Variants in TRPV5 observed in about 807,000 individuals in gnomAD.
TRPV5 encodes calcium transport protein 2.
A neutral mutation model predicts 74.1 loss-of-function variants in TRPV5; 66 were observed. That is an observed-to-expected ratio of 0.89 (90% confidence interval 0.73 to 1.09). The LOEUF (loss-of-function observed/expected upper bound fraction) is 1.09. Ranked by LOEUF, TRPV5 falls within the 50% of genes least tolerant of loss-of-function variation. TRPV5 has a pLI of 0.00. For missense variants in TRPV5, 936 were observed against 930.4 expected (o/e 1.01, Z -0.08); for synonymous variants, 399 against 360.7 (o/e 1.11, Z -1.20).
In TRPV5 at chr7:142,929,064, G is replaced by A. The variant is rs779412908; in HGVS notation, c.544C>T (p.Leu182Phe). 3 of 1,613,958 alleles carry A rather than the reference G, an allele frequency of 1.9e-6. No homozygotes were observed. Among genetic ancestry groups the A allele is most frequent in the Non-Finnish European group, 2.5e-6 (3 of 1,180,006 alleles). Residue 182 changes from leucine (L) to phenylalanine (F), a missense_variant, in exon 5 of 15, where the codon CTC (leucine) becomes TTC (phenylalanine). Leu to Phe is a conservative substitution (Grantham distance 22, BLOSUM62 0). Coordinates refer to ENST00000265310, the MANE Select transcript of TRPV5 (RefSeq NM_019841.7). ...CTGATGTCAGCTCCATGCTCAATGA[G>A]CAGCCGCACGATCTCCTCGCTGTTC... ...CVNSEEIVRL[L>F]IEHGADIRAQ...
At position 142,921,312 on chromosome 7, in the gene TRPV5, C is replaced by T. The variant is rs1033520304; in HGVS notation, c.1122+4217G>A. On this transcript the variant is annotated intron_variant, in intron 8 of 14. Transcript: ENST00000265310. ...ATTTATTTATTTTGAGACGGAGTCT[C>T]ATACTGTCGCCTGGCCTGGAGTGCA... 2.6e-5 allele frequency among the ~76,000 whole-genome samples: 4 copies of T among 152,186 alleles called. No homozygotes were observed. The South Asian group carries it at 8.3e-4, about 31-fold the overall frequency.
Position 142,928,749 on chromosome 7 carries a change from A to G in TRPV5, c.704T>C (p.Val235Ala). ...GGGGGTGAGACCCTGGTGATTGGGCACAAGGTCCAGGGGCTGCAGGTGGTC... is the reference window on the plus strand; with the variant it reads ...GGGGGTGAGACCCTGGTGATTGGGCGCAAGGTCCAGGGGCTGCAGGTGGTC... ...HGDHLQPLDL[V>A]PNHQGLTPFK... Residue 235 changes from valine (V) to alanine (A), a missense_variant, in exon 6 of 15, where the codon GTG (valine) becomes GCG (alanine). Val to Ala is a moderately conservative substitution (Grantham distance 64, BLOSUM62 0). Coordinates refer to ENST00000265310, the MANE Select transcript of TRPV5 (RefSeq NM_019841.7). 3 of 1,614,174 alleles carry G rather than the reference A, an allele frequency of 1.9e-6. No individual in the cohort carries two copies. Among genetic ancestry groups the G allele is most frequent in the Non-Finnish European group, 2.5e-6 (3 of 1,180,020 alleles).
intron 7 of TRPV5, among the ~76,000 whole-genome samples, chr7:142,926,520 T>G (rs2116601528): frequency 6.6e-6 from 1 of 152,288 alleles, no homozygotes; most frequent in Non-Finnish European, 1.5e-5. Flanking sequence ...AGTGGGCAGT[T>G]TCCAGACATG....
chr7:142,909,470 A>T lies in TRPV5; in HGVS notation c.1895+20T>A. The T allele has an allele frequency of 6.2e-7, 1 of 1,612,984 alleles. No individual in the cohort carries two copies. Among genetic ancestry groups the T allele is most frequent in the Non-Finnish European group, 8.5e-7 (1 of 1,179,548 alleles). ...GCCTTATACACATCTGCAGTTTTGCATGTGCACACCATCACTCACCGCAGG... is the reference window on the plus strand; with the variant it reads ...GCCTTATACACATCTGCAGTTTTGCTTGTGCACACCATCACTCACCGCAGG... On this transcript the variant is annotated intron_variant, in intron 14 of 14. Coordinates refer to ENST00000265310, the MANE Select transcript of TRPV5 (RefSeq NM_019841.7).
intron 7 of TRPV5, among the ~76,000 whole-genome samples, chr7:142,927,718 C>T (rs1215381254): frequency 6.6e-6 from 1 of 152,196 alleles, no homozygotes; most frequent in Non-Finnish European, 1.5e-5. Flanking sequence ...AATCACCTCC[C>T]ACCAGGCCCC....
At chr7:142,924,218 G>GTA (rs1185366649) in intron 8 of TRPV5, among the ~76,000 whole-genome samples, 3 of 136,544 alleles carry the variant, frequency 2.2e-5, no homozygotes, top group Non-Finnish European at 3.1e-5. Flanking sequence ...ATGACACACT[G>GTA]TATATATATA....
chr7:142,928,646 G>A (rs191099328), intron 6 of TRPV5, 45 bp downstream of exon 6: 1 of 1,586,694 alleles, frequency 6.3e-7, no homozygotes, highest in East Asian at 2.3e-5. Flanking sequence ...AGGATAGGTT[G>A]AGGGTCATTA....
Position 142,928,218 on chromosome 7 carries a change from A to G in TRPV5, c.779T>C (p.Met260Thr), listed in dbSNP as rs754115387. The change falls in exon 7 of 15, where the codon ATG becomes ACG. Residue 260 changes from methionine (M) to threonine (T), a missense_variant. Physicochemically the swap from Met to Thr is moderately conservative, Grantham distance 81. Transcript: ENST00000265310. ...CCACTGGATGTGCCTCCGCTTCTGC[A>G]TCAGGTGCTGGAACATCTGAGAGAC... Reference protein sequence around the residue: ...EGNTVMFQHLMQKRRHIQWTY... With the variant: ...EGNTVMFQHLTQKRRHIQWTY... 6.2e-7 allele frequency: 1 copy of G among 1,614,202 alleles called. No individual in the cohort carries two copies. Among genetic ancestry groups the G allele is most frequent in the Non-Finnish European group, 8.5e-7 (1 of 1,180,034 alleles).
At chr7:142,924,724 T>C (rs1245750672) in intron 8 of TRPV5, 1 of 152,134 alleles carries the variant, frequency 6.6e-6, no homozygotes, top group African/African-American at 2.4e-5. Context: ...CTACATCACC[T>C]TCTGTGTATT....
rs1364987500 is a variant in TRPV5, at chr7:142,908,620, C to A, written c.2084G>T (p.Ser695Ile). ...GATCTCCCAGCCTCGGTGACTGCTG[C>A]TCTGGGACGCGGTCCGGGACAGGGA... ...TSSLSRTASQ[S>I]SSHRGWEILR... Residue 695 changes from serine to isoleucine, a missense_variant, in exon 15 of 15, where the codon AGC becomes ATC. Physicochemically the swap from Ser to Ile is moderately radical, Grantham distance 142. Transcript: ENST00000265310. The A allele has an allele frequency of 6.2e-7, 1 of 1,614,126 alleles. No individual in the cohort carries two copies. The highest frequency in any genetic ancestry group is 8.5e-7 in the Non-Finnish European group (1 of 1,180,040).
At chr7:142,933,267 C>T (rs768105626) in intron 1 of TRPV5, 65 bp downstream of exon 1, 108 of 1,588,712 alleles carry the variant, frequency 6.8e-5, no homozygotes, top group Non-Finnish European at 9.1e-5. Context: ...GGAAAGCAGG[C>T]CCAGGTGGGT....
chr7:142,931,301 T>C (rs1034185453), intron 1 of TRPV5, among the ~76,000 whole-genome samples: 3 of 151,828 alleles, frequency 2.0e-5, no homozygotes, highest in African/African-American at 7.3e-5. Flanking sequence ...TGGGATTACA[T>C]TGCGCCCAGC....
chr7:142,929,343 G>A, intron 4 of TRPV5, 85 bp downstream of exon 4: 1 of 1,568,416 alleles, frequency 6.4e-7, no homozygotes. Flanking sequence ...AGATGGAGCT[G>A]AAGGCAGGAC....
chr7:142,909,668 G>T, intron 13 of TRPV5, 72 bp from the exon 14 acceptor site: 1 of 1,517,554 alleles, frequency 6.6e-7, no homozygotes. Flanking sequence ...TGAGGCCACT[G>T]ATAAAGGGAA....
chr7:142,911,814 A>G (rs1254819997), intron 13 of TRPV5, among the ~76,000 whole-genome samples: 1 of 152,226 alleles, frequency 6.6e-6, no homozygotes, highest in Non-Finnish European at 1.5e-5. Context: ...TGGTGCTTAT[A>G]TGGAAGAATG....
Position 142,930,374 on chromosome 7 carries a change from G to C in TRPV5, c.201C>G (p.Asp67Glu). ...DLSVLRQLLLDCTCDVRQRGA... is the reference protein window; with the variant it reads ...DLSVLRQLLLECTCDVRQRGA... ...CTCTTTGTCGAACGTCACAGGTGCA[G>C]TCCAGTAGAAGTTGCCTAAGAACAG... The change falls in exon 2 of 15, where the codon GAC (aspartate) becomes GAG (glutamate). Residue 67 changes from aspartate (D) to glutamate (E), a missense_variant. Transcript: ENST00000265310. 1 of 1,614,146 alleles carries C rather than the reference G, an allele frequency of 6.2e-7. No homozygotes were observed. The highest frequency in any genetic ancestry group is 8.5e-7 in the Non-Finnish European group (1 of 1,179,994).
chr7:142,910,766 C>G (rs1452939705), intron 13 of TRPV5, among the ~76,000 whole-genome samples: 4 of 152,184 alleles, frequency 2.6e-5, no homozygotes, highest in Non-Finnish European at 5.9e-5. Context: ...TTTATTGTTC[C>G]TCCTGAGCCA....
Position 142,933,646 on chromosome 7 carries a change from G to A in TRPV5, c.-187C>T. The A allele has an allele frequency of 1.4e-6, 1 of 719,572 alleles. No individual in the cohort carries two copies. 44.6% of individuals were successfully genotyped at this position (719,572 alleles called of 1,614,324 possible). A position where few individuals can be genotyped will look rare whatever the true frequency, so the allele number is the denominator to read the frequency against. Reference sequence around the variant, plus strand: ...GTGTGCATGCAGTATGTGGGTTGTGGGGTGTGCGTGTATGCACAGTGTGTG... The same window carrying A: ...GTGTGCATGCAGTATGTGGGTTGTGAGGTGTGCGTGTATGCACAGTGTGTG... On this transcript the variant is annotated 5_prime_UTR_variant, in exon 1 of 15. Transcript: ENST00000265310.
intron 13 of TRPV5, among the ~76,000 whole-genome samples, chr7:142,910,139 C>T (rs1795680211): frequency 6.6e-6 from 1 of 152,120 alleles, no homozygotes; most frequent in African/African-American, 2.4e-5. Flanking sequence ...ACATGGGAAA[C>T]AAGCTTATCA....
Sources: gnomAD v4.1 joint callset for allele counts (sites outside exome capture counted in the v4.1 genomes callset) on GRCh38, gnomAD v4.1.1 for gene constraint, MANE v1.5 for transcripts, NCBI Gene and HGNC (gene_info 2026-07-23, HGNC 2026-07-21) for gene names.